The following RALGDS variants were observed in gnomAD, a reference collection of about 807,000 sequenced individuals.
RALGDS encodes the protein ral guanine nucleotide dissociation stimulator.
RALGDS carries 44 observed loss-of-function variants against 99.8 expected under a neutral mutation model. The observed-to-expected ratio is 0.44, with a 90% confidence interval of 0.35 to 0.57. RALGDS has a LOEUF of 0.57. Among genes scored for constraint, RALGDS ranks in the 20% least tolerant of loss-of-function variants. The probability of loss-of-function intolerance (pLI) is 0.01; values close to 1 mark genes in which losing one functional copy is unlikely to be tolerated. For synonymous variants in RALGDS, 529 were observed against 505.0 expected (o/e 1.05, Z -0.64); for missense variants, 1,022 against 1,203.1 (o/e 0.85, Z 2.23).
upstream of RALGDS, among the ~76,000 whole-genome samples, chr9:133,122,830 G>C (rs112751258): frequency 1.3e-5 from 2 of 152,158 alleles, no homozygotes; most frequent in African/African-American, 4.8e-5. Flanking sequence ...TCAGCCTCTC[G>C]AGGAGCTGGG....
intron 2 of RALGDS, among the ~76,000 whole-genome samples, chr9:133,111,393 G>A (rs1393118821): frequency 1.3e-5 from 2 of 152,148 alleles, no homozygotes; most frequent in Non-Finnish European, 2.9e-5. Context: ...CAATTCTCAT[G>A]TCTCAGCCTC....
intron 1 of RALGDS, among the ~76,000 whole-genome samples, chr9:133,116,067 C>A (rs889376984): frequency 3.9e-5 from 6 of 152,216 alleles, no homozygotes; most frequent in South Asian, 2.1e-4. Flanking sequence ...AGGTGAGAGC[C>A]CAGGACTTCT....
chr9:133,144,281 A>G lies in RALGDS; in HGVS notation c.18+4682T>C, dbSNP rs538302207. On this transcript the variant is annotated intron_variant, in intron 1 of 17. Transcript: ENST00000393160. This position sits in a 1 kb window ranked among gnomAD's most constrained non-coding sequence, Gnocchi z 4.5. Reference sequence around the variant, plus strand: ...CGAAAGGCAAACTCCTGGCCCCTGCAGCCTCGCAGGTCCCCTATCCCTCCT... The same window carrying G: ...CGAAAGGCAAACTCCTGGCCCCTGCGGCCTCGCAGGTCCCCTATCCCTCCT... Among the ~76,000 whole-genome samples, 1 of 152,252 alleles carries G rather than the reference A, an allele frequency of 6.6e-6. No individual in the cohort carries two copies. Among genetic ancestry groups the G allele is most frequent in the African/African-American group, 2.4e-5 (1 of 41,542 alleles).
chr9:133,108,516 T>A, intron 5 of RALGDS, 110 bp from the exon 6 acceptor site: 1 of 1,406,414 alleles, frequency 7.1e-7, no homozygotes, highest in Non-Finnish European at 9.7e-7. Context: ...CCACAAAACG[T>A]GTACCAGGCC....
rs1832588650 is a variant in RALGDS, at chr9:133,144,377, C to G, written c.18+4586G>C. 6.6e-6 allele frequency among the ~76,000 whole-genome samples: 1 copy of G among 152,158 alleles called. No individual in the cohort carries two copies. The highest frequency in any genetic ancestry group is 6.5e-5 in the Admixed American group (1 of 15,284). On this transcript the variant is annotated intron_variant, in intron 1 of 17. Transcript: ENST00000393160. This position sits in a 1 kb window ranked among gnomAD's most constrained non-coding sequence, Gnocchi z 4.5. The stretch of plus-strand genomic sequence containing the variant: ...TGGTCCTCCTCGCCACCCCTGTCAC[C>G]TCCTCCTCCGCCCCCCGCCGGCCTC...
Position 133,101,972 on chromosome 9 carries a change from A to G in RALGDS, c.2177T>C (p.Phe726Ser). ...SSDVEEINISFVPESPDGQEK... is the reference protein window; with the variant it reads ...SSDVEEINISSVPESPDGQEK... The stretch of plus-strand genomic sequence containing the variant: ...CTGGCCATCAGGAGACTCCGGGACG[A>G]AGCTGATGTTGATCTCCTCCACGTC... The change falls in exon 15 of 18, where the codon TTC becomes TCC. Residue 726 changes from phenylalanine (F) to serine (S), a missense_variant. Physicochemically the swap from Phe to Ser is radical, Grantham distance 155. Coordinates refer to ENST00000372050, the MANE Select transcript of RALGDS (RefSeq NM_006266.4). 1 of 1,551,592 alleles carries G rather than the reference A, an allele frequency of 6.4e-7. No homozygotes were observed. The highest frequency in any genetic ancestry group is 1.2e-5 in the South Asian group (1 of 84,098).
In RALGDS at chr9:133,121,210, G is replaced by C. The variant is rs959715026; in HGVS notation, c.-56C>G. ...CCCGGCGCGCGGCGGGGGCGGCGGC[G>C]CGGCCCGCGCGGCTGGGCTTTGCCA... On this transcript the variant is annotated 5_prime_UTR_variant, in exon 1 of 18. Transcript: ENST00000372050. 2.0e-6 allele frequency: 2 copies of C among 986,586 alleles called. No individual in the cohort carries two copies. The highest frequency in any genetic ancestry group is 3.6e-5 in the African/African-American group (2 of 55,940). The allele number at this position is 986,586 out of a possible 1,614,324, so 61.1% of individuals were successfully genotyped here.
upstream of RALGDS, among the ~76,000 whole-genome samples, chr9:133,124,251 CAG>C (rs1168502887): frequency 6.6e-6 from 1 of 151,790 alleles, no homozygotes; most frequent in African/African-American, 2.4e-5. Context: ...GAGACAGACA[CAG>C]AGACACAGAC....
chr9:133,099,617 CAT>C lies in RALGDS; in HGVS notation c.2569+649_2569+650del, dbSNP rs575980467. Reference sequence around the variant, plus strand: ...ATATACATGCATATATATACACACACATATACATGCATATATATACACATATA... The same window carrying C: ...ATATACATGCATATATATACACACACATACATGCATATATATACACATATA... On this transcript the variant is annotated intron_variant, in intron 17 of 17. Coordinates refer to ENST00000372050, the MANE Select transcript of RALGDS (RefSeq NM_006266.4). The C allele has an allele frequency of 6.1e-4, 95 of 154,792 alleles. 1 individual carries two copies. The South Asian group carries it at 0.016, about 26-fold the overall frequency. The allele number at this position is 154,792 out of a possible 1,614,324, so 9.6% of individuals were successfully genotyped here.
At chr9:133,109,986 C>T (rs1831261531) in intron 3 of RALGDS, among the ~76,000 whole-genome samples, 1 of 152,170 alleles carries the variant, frequency 6.6e-6, no homozygotes, top group Non-Finnish European at 1.5e-5. Flanking sequence ...AACTGCTTCG[C>T]CCAAGGCCAC....
chr9:133,108,924 G>C (rs1444908794), intron 4 of RALGDS, 58 bp from the exon 5 acceptor site: 6 of 1,513,814 alleles, frequency 4.0e-6, no homozygotes, highest in African/African-American at 1.4e-5. Context: ...AGCCAGGCTG[G>C]GCTCCTGAGC....
chr9:133,111,416 G>A (rs1831337552), intron 2 of RALGDS, among the ~76,000 whole-genome samples: 1 of 152,166 alleles, frequency 6.6e-6, no homozygotes, highest in South Asian at 2.1e-4. Flanking sequence ...AAGTAGTTGG[G>A]ATTACAGGCA....
intron 16 of RALGDS, 118 bp downstream of exon 16, chr9:133,101,402 A>T (rs62576823): frequency 2.9e-5 from 45 of 1,578,558 alleles, no homozygotes; most frequent in Non-Finnish European, 3.8e-5. Flanking sequence ...CCTGGCTGAC[A>T]TCTGTCCTTC....
rs749023526 is a variant in RALGDS, at chr9:133,101,611, G to A, written c.2363C>T (p.Ala788Val). ...SVSGLCNSSSALPLYNQQVGD... is the reference protein window; with the variant it reads ...SVSGLCNSSSVLPLYNQQVGD... ...CACCTGCTGGTTGTAGAGCGGCAGC[G>A]CGGAGCTGGAGTTGCAGAGCCCTGA... The change falls in exon 16 of 18, where the codon GCG becomes GTG. Residue 788 changes from alanine (A) to valine (V), a missense_variant. Physicochemically the swap from Ala to Val is moderately conservative, Grantham distance 64. Coordinates refer to ENST00000372050, the MANE Select transcript of RALGDS (RefSeq NM_006266.4). The A allele has an allele frequency of 2.0e-5, 32 of 1,613,166 alleles. No individual in the cohort carries two copies. Among genetic ancestry groups the A allele is most frequent in the Middle Eastern group, 1.6e-4 (1 of 6,084 alleles).
At position 133,110,493 on chromosome 9, in the gene RALGDS, G is replaced by A; in HGVS notation, c.295-4C>T. 6.2e-7 allele frequency: 1 copy of A among 1,609,464 alleles called. No homozygotes were observed. Among genetic ancestry groups the A allele is most frequent in the African/African-American group, 1.3e-5 (1 of 75,000 alleles). ...TCAGGGCCGACTCATTCTCATACTG[G>A]GGTGGGACAGAGGAGGGACAGACAG... On this transcript the variant is annotated splice_region_variant and splice_polypyrimidine_tract_variant and intron_variant, in intron 2 of 17. Transcript: ENST00000372050.
At chr9:133,108,472 G>A in intron 5 of RALGDS, 66 bp from the exon 6 acceptor site, 1 of 1,482,628 alleles carries the variant, frequency 6.7e-7, no homozygotes, top group Non-Finnish European at 9.1e-7. Flanking sequence ...ACACAGAACA[G>A]CCCCGGCTTC....
intron 6 of RALGDS, 143 bp downstream of exon 6, chr9:133,107,845 G>T: frequency 9.2e-7 from 1 of 1,082,764 alleles, no homozygotes; most frequent in Non-Finnish European, 1.4e-6. Context: ...TGGGGTTAAG[G>T]AACGACCTGG....
chr9:133,103,093 G>A (rs1010505128), intron 12 of RALGDS, 137 bp downstream of exon 12: 27 of 1,388,450 alleles, frequency 1.9e-5, no homozygotes, highest in Non-Finnish European at 2.7e-5. Flanking sequence ...CCCTCCAGTG[G>A]GAGGGGACCC....
intron 1 of RALGDS, among the ~76,000 whole-genome samples, chr9:133,120,398 TG>T (rs956840546): frequency 4.0e-4 from 61 of 151,160 alleles, no homozygotes; most frequent in Non-Finnish European, 7.1e-4. Flanking sequence ...TCCCACGTGT[TG>T]GAGGCCTGCT....
Sources: allele counts gnomAD v4.1 joint callset (sites outside exome capture counted in the v4.1 genomes callset), GRCh38; gene constraint gnomAD v4.1.1; non-coding constraint Gnocchi (gnomAD v3.1); transcripts MANE v1.5; gene names NCBI Gene and HGNC (gene_info 2026-07-23, HGNC 2026-07-21).